USP12: variants seen among roughly 807,000 people sequenced by gnomAD.
USP12 encodes ubiquitin specific peptidase 12.
Under a neutral mutation model 45.5 loss-of-function variants are expected in USP12, and 19 were observed. That is an observed-to-expected ratio of 0.42 (90% CI 0.29 to 0.61). The LOEUF is 0.61. Ranked by LOEUF, USP12 falls within the 20% of genes least tolerant of loss-of-function variation. The probability of loss-of-function intolerance (pLI) is 0.22; values close to 1 mark genes in which losing one functional copy is unlikely to be tolerated. For missense variants in USP12, 242 were observed against 447.7 expected, an observed-to-expected ratio of 0.54 and a Z score of 4.15; for synonymous variants, 149 against 148.8, an observed-to-expected ratio of 1.00 and a Z score of -0.01.
chr13:27,171,701 C>A lies in USP12; in HGVS notation c.-62G>T. On this transcript the variant is annotated 5_prime_UTR_variant, in exon 1 of 9. Coordinates refer to ENST00000282344, the MANE Select transcript of USP12 (RefSeq NM_182488.4). Reference sequence around the variant, plus strand: ...GCGGCGGGCGGGGGAGGAGGGGAGCCGGGCCGCCCGCTCGCACCGCAGCCC... The same window carrying A: ...GCGGCGGGCGGGGGAGGAGGGGAGCAGGGCCGCCCGCTCGCACCGCAGCCC... The A allele has an allele frequency of 9.2e-7, 1 of 1,089,014 alleles. No homozygotes were observed. Among genetic ancestry groups the A allele is most frequent in the East Asian group, 8.6e-5 (1 of 11,570 alleles). The allele number at this position is 1,089,014 out of a possible 1,614,324, so 67.5% of individuals were successfully genotyped here.
intron 1 of USP12, among the ~76,000 whole-genome samples, chr13:27,146,567 T>C (rs1042047904): frequency 1.3e-5 from 2 of 152,174 alleles, no homozygotes; most frequent in Admixed American, 6.5e-5. Flanking sequence ...AACTTGTAAG[T>C]TCCACCACTG....
intron 1 of USP12, among the ~76,000 whole-genome samples, chr13:27,137,111 A>G: frequency 6.6e-6 from 1 of 152,146 alleles, no homozygotes; most frequent in East Asian, 1.9e-4. Flanking sequence ...AGAAAGAGAC[A>G]CCCCTTCACA....
intron 3 of USP12, among the ~76,000 whole-genome samples, chr13:27,098,181 G>A (rs984097233): frequency 6.6e-6 from 1 of 151,934 alleles, no homozygotes; most frequent in Non-Finnish European, 1.5e-5. Flanking sequence ...TCTGGATTAC[G>A]GATGCTCAAC....
intron 2 of USP12, among the ~76,000 whole-genome samples, chr13:27,110,043 C>T (rs912714248): frequency 6.8e-6 from 1 of 147,880 alleles, no homozygotes; most frequent in African/African-American, 2.5e-5. Context: ...TTTTTTAAAA[C>T]GTTCCTGCCA....
At chr13:27,127,914 A>G (rs1305209713) in intron 1 of USP12, among the ~76,000 whole-genome samples, 1 of 152,234 alleles carries the variant, frequency 6.6e-6, no homozygotes, top group Non-Finnish European at 1.5e-5. Flanking sequence ...TAAATAACTA[A>G]GCCAAAACCA....
chr13:27,112,288 T>TA (rs199839589), intron 2 of USP12, among the ~76,000 whole-genome samples: 10 of 140,384 alleles, frequency 7.1e-5, no homozygotes, highest in Non-Finnish European at 1.2e-4. Context: ...TCATAGCTAC[T>TA]TTTTTTTTTT....
chr13:27,155,154 T>C (rs1877768604), intron 1 of USP12, among the ~76,000 whole-genome samples: 1 of 143,434 alleles, frequency 7.0e-6, no homozygotes, highest in Non-Finnish European at 1.5e-5. Context: ...CGATCTCGGC[T>C]CATTGCAACC....
chr13:27,155,442 T>C (rs1485659263), intron 1 of USP12, among the ~76,000 whole-genome samples: 2 of 152,170 alleles, frequency 1.3e-5, no homozygotes, highest in Non-Finnish European at 2.9e-5. Flanking sequence ...TGTGGTAATA[T>C]GTTACAGCCC....
chr13:27,088,900 A>G (rs527990006), intron 6 of USP12, among the ~76,000 whole-genome samples: 2 of 152,316 alleles, frequency 1.3e-5, no homozygotes, highest in African/African-American at 4.8e-5. Flanking sequence ...ACTCCAACAC[A>G]TGGCACAAAT....
intron 6 of USP12, among the ~76,000 whole-genome samples, chr13:27,087,225 C>G (rs1874094713): frequency 7.1e-6 from 1 of 140,926 alleles, no homozygotes; most frequent in African/African-American, 2.8e-5. Flanking sequence ...GTGCACCGAC[C>G]AAATAAGTAA....
intron 3 of USP12, among the ~76,000 whole-genome samples, chr13:27,098,262 C>T (rs1203791239): frequency 1.3e-5 from 2 of 151,768 alleles, no homozygotes; most frequent in African/African-American, 4.8e-5. Context: ...AAACTATGAA[C>T]TTCTGTATGG....
At chr13:27,102,727 GTCT>G (rs759982844) in intron 3 of USP12, among the ~76,000 whole-genome samples, 3 of 152,150 alleles carry the variant, frequency 2.0e-5, no homozygotes, top group Non-Finnish European at 4.4e-5. Flanking sequence ...CCCTTTCCCA[GTCT>G]TCTTTTTTTC....
chr13:27,073,400 T>C (rs1873334181), intron 7 of USP12, among the ~76,000 whole-genome samples: 1 of 152,188 alleles, frequency 6.6e-6, no homozygotes. Context: ...AGAACATGCT[T>C]TAAATAACTG....
intron 1 of USP12, among the ~76,000 whole-genome samples, chr13:27,146,490 A>C (rs1877315810): frequency 6.6e-6 from 1 of 152,234 alleles, no homozygotes; most frequent in East Asian, 1.9e-4. Context: ...AGAGGATAGA[A>C]TCAAGCAATT....
At chr13:27,143,961 T>C (rs535678847) in intron 1 of USP12, among the ~76,000 whole-genome samples, 1 of 152,302 alleles carries the variant, frequency 6.6e-6, no homozygotes, top group African/African-American at 2.4e-5. Flanking sequence ...CCCAGCACTT[T>C]GGGAGGCCAA....
intron 2 of USP12, among the ~76,000 whole-genome samples, chr13:27,112,397 C>T (rs763688498): frequency 6.6e-6 from 1 of 151,600 alleles, no homozygotes; most frequent in East Asian, 1.9e-4. Context: ...GATCCTCCCA[C>T]CTCAGTCTGT....
At chr13:27,161,568 T>A (rs1163446067) in intron 1 of USP12, among the ~76,000 whole-genome samples, 1 of 152,168 alleles carries the variant, frequency 6.6e-6, no homozygotes, top group Non-Finnish European at 1.5e-5. Flanking sequence ...TAATAGGGAA[T>A]TGCAGTGTTT....
At chr13:27,087,145 G>A (rs1874089372) in intron 6 of USP12, among the ~76,000 whole-genome samples, 2 of 151,788 alleles carry the variant, frequency 1.3e-5, no homozygotes, top group Admixed American at 1.3e-4. Flanking sequence ...GTGTGTGTGT[G>A]TTTATGCATG....
intron 1 of USP12, among the ~76,000 whole-genome samples, chr13:27,133,381 T>G (rs1052727700): frequency 3.3e-5 from 5 of 152,150 alleles, no homozygotes; most frequent in Admixed American, 3.3e-4. Flanking sequence ...AGAATATAAA[T>G]TATCATCTAA....
Sources: gnomAD v4.1 joint callset for allele counts (sites outside exome capture counted in the v4.1 genomes callset) on GRCh38, gnomAD v4.1.1 for gene constraint, MANE v1.5 for transcripts, NCBI Gene and HGNC (gene_info 2026-07-23, HGNC 2026-07-21) for gene names.